The following KIAA1614 variants were observed in gnomAD, a reference collection of about 807,000 sequenced individuals.
KIAA1614 encodes the protein uncharacterized protein KIAA1614.
Under a neutral mutation model 88.7 loss-of-function variants are expected in KIAA1614, and 76 were observed. The ratio of observed to expected loss-of-function variants is 0.86; its 90% confidence interval spans 0.71 to 1.04. The LOEUF (loss-of-function observed/expected upper bound fraction) is 1.04. KIAA1614 is among the 50% of genes least tolerant of loss of function. The pLI is 0.00. For missense variants in KIAA1614, 1,553 were observed against 1,582.5 expected (o/e 0.98, Z 0.32); for synonymous variants, 714 against 675.5 (o/e 1.06, Z -0.88).
Position 180,935,192 on chromosome 1 carries a change from G to A in KIAA1614, c.1283G>A (p.Ser428Asn), listed in dbSNP as rs1369964935. 2 of 1,487,478 alleles carry A rather than the reference G, an allele frequency of 1.3e-6. No homozygotes were observed. The highest frequency in any genetic ancestry group is 2.8e-5 in the South Asian group (2 of 72,470). 92.1% of individuals were successfully genotyped at this position (1,487,478 alleles called of 1,614,324 possible). A position where few individuals can be genotyped will look rare whatever the true frequency, so the allele number is the denominator to read the frequency against. Reference protein sequence around the residue: ...CRDSLQNGHTSDSSSGESSGG... With the variant: ...CRDSLQNGHTNDSSSGESSGG... ...GACAGCCTCCAGAACGGGCACACGA[G>A]CGATTCCTCCAGCGGAGAGTCCAGC... is the stretch of plus-strand genomic sequence containing the variant. The change falls in exon 5 of 9, where the codon AGC becomes AAC. Residue 428 changes from serine to asparagine, a missense_variant. Transcript: ENST00000367588. This position sits in a 1 kb window ranked among gnomAD's most constrained non-coding sequence, Gnocchi z 6.1.
chr1:180,924,102 T>C (rs149992855), intron 3 of KIAA1614, among the ~76,000 whole-genome samples: 2 of 152,348 alleles, frequency 1.3e-5, no homozygotes, highest in African/African-American at 4.8e-5. Context: ...CCAGATACCC[T>C]GTCCCATGCT....
chr1:180,922,057 C>T (rs990945441), intron 3 of KIAA1614, among the ~76,000 whole-genome samples: 29 of 152,354 alleles, frequency 1.9e-4, no homozygotes, highest in Admixed American at 3.3e-4. Context: ...CTCAGGAGCC[C>T]GCGCCAGGGC....
chr1:180,945,104 T>C (rs1003057228), intron 8 of KIAA1614, 199 bp from the exon 9 acceptor site: 10 of 560,646 alleles, frequency 1.8e-5, no homozygotes, highest in Non-Finnish European at 3.0e-5. Flanking sequence ...ACAGCAGGCC[T>C]TGGGGGGCCT....
intron 1 of KIAA1614, 108 bp from the exon 2 acceptor site, chr1:180,916,046 T>C: frequency 1.5e-6 from 1 of 656,786 alleles, no homozygotes; most frequent in Non-Finnish European, 2.5e-6. Context: ...GTCTCCAGGT[T>C]ACTTTCATCT....
rs1478887546 is a variant in KIAA1614, at chr1:180,917,082, T to A, written c.979T>A (p.Trp327Arg). The A allele has an allele frequency of 3.7e-6, 6 of 1,612,992 alleles. No homozygotes were observed. Among genetic ancestry groups the A allele is most frequent in the Non-Finnish European group, 5.1e-6 (6 of 1,179,846 alleles). Residue 327 changes from tryptophan (W) to arginine (R), a missense_variant, in exon 2 of 9, where the codon TGG becomes AGG. Transcript: ENST00000367588. ...GGGAACCCCTGCCTGGACTCCATCC[T>A]GGGACACAGCTGCACCAGGTGAAGC... Reference protein sequence around the residue: ...KVGTPAWTPSWDTAAPERPVG... With the variant: ...KVGTPAWTPSRDTAAPERPVG...
chr1:180,944,508 AG>A lies in KIAA1614; in HGVS notation c.3280del (p.Ala1094LeufsTer109). On this transcript the variant is annotated frameshift_variant, in exon 8 of 9. Coordinates refer to ENST00000367588, the MANE Select transcript of KIAA1614 (RefSeq NM_020950.2). LOFTEE classifies it low-confidence loss of function (END_TRUNC). The stretch of plus-strand genomic sequence containing the variant: ...TAGCAGGGCCAGGGGACCACAGTGC[AG>A]CTGGCAGGTATGAGGGGCACACATG... ...LVAGPGDHSA[A>X]GRPAKTSPRR... 1 of 1,613,478 alleles carries A rather than the reference AG, an allele frequency of 6.2e-7. No individual in the cohort carries two copies. Among genetic ancestry groups the A allele is most frequent in the Non-Finnish European group, 8.5e-7 (1 of 1,179,676 alleles).
At chr1:180,933,306 A>G (rs528371189) in intron 4 of KIAA1614, among the ~76,000 whole-genome samples, 36 of 152,292 alleles carry the variant, frequency 2.4e-4, no homozygotes, top group Non-Finnish European at 4.1e-4. Flanking sequence ...AGCAGGAAGG[A>G]ATGTGGGGAG....
chr1:180,939,653 T>G (rs1479077226), intron 6 of KIAA1614, among the ~76,000 whole-genome samples: 1 of 152,122 alleles, frequency 6.6e-6, no homozygotes, highest in Non-Finnish European at 1.5e-5. Context: ...CATTTCCTTC[T>G]CCACACAATA....
Position 180,916,239 on chromosome 1 carries a change from A to G in KIAA1614, c.136A>G (p.Asn46Asp), listed in dbSNP as rs1356711480. Residue 46 changes from asparagine to aspartate, a missense_variant, in exon 2 of 9, where the codon AAC (asparagine) becomes GAC (aspartate). Asn to Asp is a conservative substitution (Grantham distance 23, BLOSUM62 1). Coordinates refer to ENST00000367588, the MANE Select transcript of KIAA1614 (RefSeq NM_020950.2). ...EWSGPEPQLD[N>D]GHPPRPWPCP... ...GAGTGGTCCTGAGCCACAGCTGGAT[A>G]ACGGACACCCCCCAAGACCCTGGCC... 12 of 1,613,394 alleles carry G rather than the reference A, an allele frequency of 7.4e-6. No individual in the cohort carries two copies. The highest frequency in any genetic ancestry group is 9.3e-6 in the Non-Finnish European group (11 of 1,179,916).
At position 180,916,134 on chromosome 1, in the gene KIAA1614, CTG is replaced by C; in HGVS notation, c.51-18_51-17del. 1 of 1,525,956 alleles carries C rather than the reference CTG, an allele frequency of 6.6e-7. No individual in the cohort carries two copies. The highest frequency in any genetic ancestry group is 8.8e-7 in the Non-Finnish European group (1 of 1,137,668). 94.5% of individuals were successfully genotyped at this position (1,525,956 alleles called of 1,614,324 possible). On this transcript the variant is annotated intron_variant, in intron 1 of 8. Coordinates refer to ENST00000367588, the MANE Select transcript of KIAA1614 (RefSeq NM_020950.2). ...AGTCCTGTGCTGGGTCTTAGGAACT[CTG>C]TCTGTTTTCTCCTCCAGAGGGCCCA...
rs1410485302 is a variant in KIAA1614, at chr1:180,941,045, A to G, written c.2919A>G (p.Arg973=). 7.6e-7 allele frequency: 1 copy of G among 1,322,830 alleles called. No homozygotes were observed. Among genetic ancestry groups the G allele is most frequent in the Non-Finnish European group, 1.0e-6 (1 of 995,698 alleles). The allele number at this position is 1,322,830 out of a possible 1,614,324, so 81.9% of individuals were successfully genotyped here. A position where few individuals can be genotyped will look rare whatever the true frequency, so the allele number is the denominator to read the frequency against. ...CCTCACCTCCACCCTTGTGTTTCAG[A>G]GCATCAGCAGGAGCTGGCACAGGAC... ...GSGSGGHVLS[R]ASAGAGTGPG... Residue 973 remains arginine, a splice_region_variant and synonymous_variant, in exon 7 of 9, where the codon AGA becomes AGG. Coordinates refer to ENST00000367588, the MANE Select transcript of KIAA1614 (RefSeq NM_020950.2).
intron 6 of KIAA1614, among the ~76,000 whole-genome samples, chr1:180,940,653 C>CT (rs1654436388): frequency 6.6e-6 from 1 of 151,028 alleles, no homozygotes; most frequent in East Asian, 1.9e-4. Flanking sequence ...TCTTTTCTTT[C>CT]TTTCTTTTCC....
In KIAA1614 at chr1:180,916,559, G is replaced by A; in HGVS notation, c.456G>A (p.Leu152=). The stretch of plus-strand genomic sequence containing the variant: ...CCCAAAACCTGCCTGATGGGCAGCT[G>A]GACGGCAGCATCAATGAGGAGCAAC... ...PRTQNLPDGQ[L]DGSINEEQPA... Residue 152 remains leucine, a synonymous_variant, in exon 2 of 9, where the codon CTG becomes CTA. Coordinates refer to ENST00000367588, the MANE Select transcript of KIAA1614 (RefSeq NM_020950.2). 6.2e-7 allele frequency: 1 copy of A among 1,612,022 alleles called. No homozygotes were observed. Among genetic ancestry groups the A allele is most frequent in the South Asian group, 1.1e-5 (1 of 91,006 alleles).
intron 3 of KIAA1614, among the ~76,000 whole-genome samples, chr1:180,926,392 C>G (rs11587899): frequency 0.24 from 36,865 of 151,340 alleles, 5,007 homozygotes; most frequent in South Asian, 0.42. Flanking sequence ...ATGGATGCCT[C>G]TAGGCGCCTA....
chr1:180,937,119 C>T (rs748401560), intron 5 of KIAA1614, among the ~76,000 whole-genome samples: 2 of 152,266 alleles, frequency 1.3e-5, no homozygotes, highest in African/African-American at 2.4e-5. Flanking sequence ...ATGGCTGAGG[C>T]CCTGCCCCTC....
chr1:180,923,253 C>G (rs7545364), intron 3 of KIAA1614, among the ~76,000 whole-genome samples: 39,808 of 152,112 alleles, frequency 0.26, 5,909 homozygotes, highest in Middle Eastern at 0.35. Context: ...TCTCCCCTGA[C>G]GGAGGTTAGG....
chr1:180,935,034 G>C lies in KIAA1614; in HGVS notation c.1206-81G>C, dbSNP rs575561485. 1 of 1,001,532 alleles carries C rather than the reference G, an allele frequency of 1.0e-6. No homozygotes were observed. The highest frequency in any genetic ancestry group is 3.3e-5 in the East Asian group (1 of 30,706). 62.0% of individuals were successfully genotyped at this position (1,001,532 alleles called of 1,614,324 possible). ...AGCACGGTGGGAGACTGTAGCCCAG[G>C]GTGGAGAGGGTAGGGCCGATGCGTG... On this transcript the variant is annotated intron_variant, in intron 4 of 8. Coordinates refer to ENST00000367588, the MANE Select transcript of KIAA1614 (RefSeq NM_020950.2). This position sits in a 1 kb window ranked among gnomAD's most constrained non-coding sequence, Gnocchi z 6.1.
intron 4 of KIAA1614, among the ~76,000 whole-genome samples, chr1:180,932,120 G>A: frequency 6.6e-6 from 1 of 152,056 alleles, no homozygotes; most frequent in East Asian, 1.9e-4. Context: ...TCCTCGTGTG[G>A]GTTCTCTGGG....
intron 6 of KIAA1614, among the ~76,000 whole-genome samples, chr1:180,938,945 G>C (rs1362718331): frequency 6.6e-5 from 10 of 152,246 alleles, no homozygotes; most frequent in African/African-American, 2.4e-5. Flanking sequence ...TCTAGCTGCA[G>C]ACACTGTGCC....
Sources: gnomAD v4.1 joint callset for allele counts (sites outside exome capture counted in the v4.1 genomes callset) on GRCh38, gnomAD v4.1.1 for gene constraint, Gnocchi (gnomAD v3.1) non-coding constraint, MANE v1.5 for transcripts, NCBI Gene and HGNC (gene_info 2026-07-23, HGNC 2026-07-21) for gene names.